Variants in C15orf39 observed in about 807,000 individuals in gnomAD.
The protein encoded by C15orf39 is uncharacterized protein C15orf39.
Under a neutral mutation model 53.9 loss-of-function variants are expected in C15orf39, and 24 were observed. The ratio of observed to expected loss-of-function variants is 0.45; its 90% CI spans 0.32 to 0.63. The LOEUF is 0.63. Among genes scored for constraint, C15orf39 ranks in the 20% least tolerant of loss-of-function variants. The pLI is 0.04. For synonymous variants in C15orf39, 569 were observed against 576.5 expected (o/e 0.99, Z 0.19); for missense variants, 1,271 against 1,347.9 (o/e 0.94, Z 0.89).
At chr15:75,198,935 A>G (rs2070386627), upstream of C15orf39, 1 of 152,232 alleles carries the variant, frequency 6.6e-6, no homozygotes, top group Non-Finnish European at 1.5e-5. Flanking sequence ...TGCAACTACC[A>G]TGCAGCAACT....
chr15:75,205,976 C>T, intron 1 of C15orf39, 23 bp from the exon 2 acceptor site: 1 of 1,430,010 alleles, frequency 7.0e-7, no homozygotes, highest in East Asian at 2.5e-5. Flanking sequence ...CTGACAGCCC[C>T]TGCCTTTCTC....
chr15:75,207,923 A>T lies in C15orf39; in HGVS notation c.1875A>T (p.Ala625=), dbSNP rs1567139774. Reference sequence around the variant, plus strand: ...GCCTGAAAAAGATAGACACAGAAGCACCAGGCTTGCCTGGGGTGCCAGTGA... The same window carrying T: ...GCCTGAAAAAGATAGACACAGAAGCTCCAGGCTTGCCTGGGGTGCCAGTGA... ...LPGLKKIDTE[A]PGLPGVPVTT... Residue 625 remains alanine, a synonymous_variant, in exon 2 of 3, where the codon GCA becomes GCT. Coordinates refer to ENST00000394987, the MANE Select transcript of C15orf39 (RefSeq NM_015492.5). 1 of 1,613,734 alleles carries T rather than the reference A, an allele frequency of 6.2e-7. No individual in the cohort carries two copies. Among genetic ancestry groups the T allele is most frequent in the Non-Finnish European group, 8.5e-7 (1 of 1,180,022 alleles).
At position 75,211,246 on chromosome 15, in the gene C15orf39, C is replaced by G; in HGVS notation, c.*130C>G. ...CCCTGGAGGGGTTCCATCTCTGACC[C>G]TGTGGCCCATTCAGGGTGGGCTGAA... On this transcript the variant is annotated 3_prime_UTR_variant, in exon 3 of 3. Transcript: ENST00000394987. 1 of 1,308,496 alleles carries G rather than the reference C, an allele frequency of 7.6e-7. No individual in the cohort carries two copies. Among genetic ancestry groups the G allele is most frequent in the Non-Finnish European group, 1.0e-6 (1 of 975,080 alleles). 81.1% of individuals were successfully genotyped at this position (1,308,496 alleles called of 1,614,324 possible). A position where few individuals can be genotyped will look rare whatever the true frequency, so the allele number is the denominator to read the frequency against.
chr15:75,205,559 T>A (rs1475042982), intron 1 of C15orf39, among the ~76,000 whole-genome samples: 1 of 152,140 alleles, frequency 6.6e-6, no homozygotes, highest in African/African-American at 2.4e-5. Flanking sequence ...AGGTGGTTCA[T>A]GCCTGTGATT....
chr15:75,206,846 C>A lies in C15orf39; in HGVS notation c.798C>A (p.Pro266=). The A allele has an allele frequency of 1.3e-6, 2 of 1,583,198 alleles. No homozygotes were observed. The highest frequency in any genetic ancestry group is 8.6e-7 in the Non-Finnish European group (1 of 1,166,664). Residue 266 remains proline (P), a synonymous_variant, in exon 2 of 3, where the codon CCC becomes CCA. Transcript: ENST00000394987. ...PLGPPCQDTG[P]THYPPPHHPP... is the part of the protein sequence containing the mutation. ...GGCCACCCTGTCAGGACACCGGGCC[C>A]ACCCACTACCCACCACCCCACCACC...
intron 2 of C15orf39, among the ~76,000 whole-genome samples, chr15:75,209,881 A>G (rs1351584893): frequency 6.6e-6 from 1 of 152,170 alleles, no homozygotes; most frequent in Non-Finnish European, 1.5e-5. Context: ...GGGCTGGCTG[A>G]CCAGAATCCC....
At chr15:75,203,730 C>T (rs574913268) in intron 1 of C15orf39, among the ~76,000 whole-genome samples, 1 of 152,088 alleles carries the variant, frequency 6.6e-6, no homozygotes, top group Admixed American at 6.5e-5. Context: ...CCAGCAGACC[C>T]CAAGAAGCAT....
rs544855709 is a variant in C15orf39, at chr15:75,207,066, C to A, written c.1018C>A (p.Leu340Met). 1.2e-6 allele frequency: 2 copies of A among 1,610,714 alleles called. No individual in the cohort carries two copies. The highest frequency in any genetic ancestry group is 1.1e-5 in the South Asian group (1 of 90,608). The stretch of plus-strand genomic sequence containing the variant: ...GGCACCTTACATTCCCCCACTGGGG[C>A]TGGACGCTTACCCCTACCCCTCTGC... Reference protein sequence around the residue: ...AQAPYIPPLGLDAYPYPSAPL... With the variant: ...AQAPYIPPLGMDAYPYPSAPL... Residue 340 changes from leucine (L) to methionine (M), a missense_variant, in exon 2 of 3, where the codon CTG (leucine) becomes ATG (methionine). Around this residue, in one of 2 missense-constraint regions of C15orf39, gnomAD observed 994 missense variants for 993.7 expected, o/e 1.00. Transcript: ENST00000394987.
Position 75,208,267 on chromosome 15 carries a change from ATCCAGC to A in C15orf39, c.2237_2242del (p.Ala746_Pro747del), listed in dbSNP as rs745804550. On this transcript the variant is annotated inframe_deletion, in exon 2 of 3. Coordinates refer to ENST00000394987, the MANE Select transcript of C15orf39 (RefSeq NM_015492.5). ...GCTCAGGCTCCAGCTTCAGCCCGGG[ATCCAGC>A]TCCAGCTCCAGCTCCAGTTGCAGGC... The A allele has an allele frequency of 6.6e-5, 105 of 1,591,254 alleles. No individual in the cohort carries two copies. Among genetic ancestry groups the A allele is most frequent in the African/African-American group, 1.5e-4 (11 of 74,396 alleles).
At chr15:75,210,600 T>C in intron 2 of C15orf39, 149 bp from the exon 3 acceptor site, 2 of 1,168,082 alleles carry the variant, frequency 1.7e-6, no homozygotes, top group Non-Finnish European at 2.4e-6. Context: ...TTTGCTTGGA[T>C]GGTCTGGCCA....
chr15:75,207,758 G>A lies in C15orf39; in HGVS notation c.1710G>A (p.Glu570=). ...GSKPLRGSLK[E]EVALDLSVRK... is the part of the protein sequence containing the mutation. Reference sequence around the variant, plus strand: ...AACCCCTAAGGGGCTCACTTAAGGAGGAGGTAGCCCTGGATTTGAGTGTGA... The same window carrying A: ...AACCCCTAAGGGGCTCACTTAAGGAAGAGGTAGCCCTGGATTTGAGTGTGA... The change falls in exon 2 of 3, where the codon GAG becomes GAA. Residue 570 remains glutamate (E), a synonymous_variant. Coordinates refer to ENST00000394987, the MANE Select transcript of C15orf39 (RefSeq NM_015492.5). The A allele has an allele frequency of 6.2e-7, 1 of 1,610,042 alleles. No individual in the cohort carries two copies. Among genetic ancestry groups the A allele is most frequent in the South Asian group, 1.1e-5 (1 of 90,810 alleles).
chr15:75,211,231 GT>G lies in C15orf39; in HGVS notation c.*117del, dbSNP rs1379424736. ...GGGCTGTGGCTGCTCCCCTGGAGGG[GT>G]TCCATCTCTGACCCTGTGGCCCATT... On this transcript the variant is annotated 3_prime_UTR_variant, in exon 3 of 3. Transcript: ENST00000394987. The G allele has an allele frequency of 2.3e-5, 32 of 1,405,406 alleles. 1 individual carries two copies. In the Admixed American group the frequency reaches 7.4e-4, roughly 33 times the overall value. 87.1% of individuals were successfully genotyped at this position (1,405,406 alleles called of 1,614,324 possible).
upstream of C15orf39, among the ~76,000 whole-genome samples, chr15:75,201,179 C>T (rs1379950968): frequency 6.6e-6 from 1 of 152,162 alleles, no homozygotes; most frequent in Non-Finnish European, 1.5e-5. The surrounding 1 kb of genome is among the most constrained non-coding windows in gnomAD (Gnocchi z 4.7). Flanking sequence ...CACCCCTTCC[C>T]CCCTCCAGCC....
At position 75,206,973 on chromosome 15, in the gene C15orf39, G is replaced by A. The variant is rs2070444091; in HGVS notation, c.925G>A (p.Gly309Ser). Residue 309 changes from glycine to serine, a missense_variant, in exon 2 of 3, where the codon GGC (glycine) becomes AGC (serine). Coordinates refer to ENST00000394987, the MANE Select transcript of C15orf39 (RefSeq NM_015492.5). ...SPALPLQPLG[G>S]HKGTGYQAGG... ...AGCACTCCCACTGCAGCCTCTGGGG[G>A]GCCACAAGGGGACCGGGTACCAGGC... 4 of 1,581,672 alleles carry A rather than the reference G, an allele frequency of 2.5e-6. No homozygotes were observed. Among genetic ancestry groups the A allele is most frequent in the Non-Finnish European group, 3.4e-6 (4 of 1,164,478 alleles).
In C15orf39 at chr15:75,210,878, C is replaced by A. The variant is rs1481549630; in HGVS notation, c.2906C>A (p.Pro969Gln). 3 of 1,613,834 alleles carry A rather than the reference C, an allele frequency of 1.9e-6. No homozygotes were observed. The South Asian group carries it at 3.3e-5, about 18-fold the overall frequency. The change falls in exon 3 of 3, where the codon CCA (proline) becomes CAA (glutamine). Residue 969 changes from proline (P) to glutamine (Q), a missense_variant. By Grantham distance (76) the Pro-to-Gln change is moderately conservative. Transcript: ENST00000394987. ...PKVRKPGRKP[P>Q]TPGPEKAEAA... is the part of the protein sequence containing the mutation. ...GTCAGGAAGCCAGGCAGGAAGCCAC[C>A]AACCCCTGGCCCGGAGAAAGCAGAG...
upstream of C15orf39, among the ~76,000 whole-genome samples, chr15:75,200,419 G>A (rs1368445939): frequency 6.6e-6 from 1 of 152,142 alleles, no homozygotes; most frequent in Non-Finnish European, 1.5e-5. Context: ...CACACAACCT[G>A]AGCGTCCTAG....
rs1208942957 is a variant in C15orf39, at chr15:75,206,296, A to G, written c.248A>G (p.Gln83Arg). ...YSTGMAGPPL[Q>R]ADNLLTNCLF... ...ACCGGTATGGCAGGACCCCCACTTC[A>G]GGCAGACAACCTGCTGACCAACTGC... The change falls in exon 2 of 3, where the codon CAG (glutamine) becomes CGG (arginine). Residue 83 changes from glutamine to arginine, a missense_variant. Gln to Arg is a conservative substitution (Grantham distance 43). Around this residue, in one of 2 missense-constraint regions of C15orf39, gnomAD observed 994 missense variants for 993.7 expected, o/e 1.00. Transcript: ENST00000394987. 6.2e-7 allele frequency: 1 copy of G among 1,613,880 alleles called. No individual in the cohort carries two copies. Among genetic ancestry groups the G allele is most frequent in the Non-Finnish European group, 8.5e-7 (1 of 1,179,964 alleles).
Position 75,206,718 on chromosome 15 carries a change from G to A in C15orf39, c.670G>A (p.Gly224Ser), listed in dbSNP as rs756158757. 2 of 1,613,582 alleles carry A rather than the reference G, an allele frequency of 1.2e-6. No homozygotes were observed. Among genetic ancestry groups the A allele is most frequent in the Non-Finnish European group, 1.7e-6 (2 of 1,179,928 alleles). ...LEKYQTIHST[G>S]FLASRYTGPY... The stretch of plus-strand genomic sequence containing the variant: ...GAAATATCAGACCATCCACAGCACG[G>A]GCTTCCTGGCCTCCAGGTACACAGG... The change falls in exon 2 of 3, where the codon GGC (glycine) becomes AGC (serine). Residue 224 changes from glycine (G) to serine (S), a missense_variant. Physicochemically the swap from Gly to Ser is moderately conservative, Grantham distance 56. This residue lies in a region of C15orf39 where 994 missense variants were observed against 993.7 expected (regional missense o/e 1.00). Coordinates refer to ENST00000394987, the MANE Select transcript of C15orf39 (RefSeq NM_015492.5).
rs141257668 is a variant in C15orf39, at chr15:75,208,364, G to A, written c.2316G>A (p.Ala772=). Residue 772 remains alanine, a synonymous_variant, in exon 2 of 3, where the codon GCG becomes GCA. Coordinates refer to ENST00000394987, the MANE Select transcript of C15orf39 (RefSeq NM_015492.5). ...AGCAGCATTTTACAGGACTACATGC[G>A]TCCCTGTGTGATGCTATTTCTGGCT... ...SLEQHFTGLH[A]SLCDAISGSV... 1.3e-5 allele frequency: 21 copies of A among 1,593,254 alleles called. No individual in the cohort carries two copies. In the East Asian group the frequency reaches 2.5e-4, roughly 19 times the overall value.
Sources: allele counts gnomAD v4.1 joint callset (sites outside exome capture counted in the v4.1 genomes callset), GRCh38; gene constraint gnomAD v4.1.1; regional missense constraint gnomAD v4.1.1; non-coding constraint Gnocchi (gnomAD v3.1); transcripts MANE v1.5; gene names NCBI Gene and HGNC (gene_info 2026-07-23, HGNC 2026-07-21).